Variants in KIAA1217 observed in about 807,000 individuals in gnomAD.
The protein encoded by KIAA1217 is sickle tail protein homolog.
A neutral mutation model predicts 163.9 loss-of-function variants in KIAA1217; 88 were observed. The observed-to-expected ratio is 0.54, with a 90% CI of 0.45 to 0.64. The LOEUF is 0.64. Ranked by LOEUF, KIAA1217 falls within the 30% of genes least tolerant of loss-of-function variation. KIAA1217 has a pLI of 0.00. For synonymous variants in KIAA1217, 903 were observed against 923.1 expected (o/e 0.98, Z 0.39); for missense variants, 2,372 against 2,475.0 (o/e 0.96, Z 0.88).
At position 23,797,279 on chromosome 10, in the gene KIAA1217, C is replaced by T. The variant is rs138663355; in HGVS notation, c.-321+102045C>T. 1.2e-3 allele frequency among the ~76,000 whole-genome samples: 176 copies of T among 152,156 alleles called. 13 individuals are homozygous for T. In the East Asian group the frequency reaches 0.027, roughly 24 times the overall value. ...ATGTGCTTATTGAACACTCATGACT[C>T]GTGACACTGGGGTCAGCAGTAGTTT... On this transcript the variant is annotated intron_variant, in intron 1 of 18. Transcript: ENST00000376462.
intron 2 of KIAA1217, among the ~76,000 whole-genome samples, chr10:24,272,272 T>G (rs2076846101): frequency 1.3e-5 from 2 of 152,218 alleles, no homozygotes; most frequent in South Asian, 4.1e-4. Flanking sequence ...TAATAAGAAC[T>G]CTGGACTAGT....
intron 1 of KIAA1217, among the ~76,000 whole-genome samples, chr10:23,841,091 T>G (rs1177134437): frequency 6.6e-6 from 1 of 152,188 alleles, no homozygotes; most frequent in African/African-American, 2.4e-5. Context: ...AAGCACATAG[T>G]TGTAGAATTT....
chr10:24,065,917 G>A (rs2060924459), intron 2 of KIAA1217, among the ~76,000 whole-genome samples: 1 of 152,038 alleles, frequency 6.6e-6, no homozygotes, highest in Admixed American at 6.6e-5. Context: ...TGTCTCTTTT[G>A]ATCTTTGTTA....
intron 2 of KIAA1217, among the ~76,000 whole-genome samples, chr10:24,334,185 CTCTT>C (rs2046040446): frequency 6.6e-6 from 1 of 152,128 alleles, no homozygotes; most frequent in Non-Finnish European, 1.5e-5. Context: ...GCCCTTTTGT[CTCTT>C]TCAACTATGC....
chr10:24,411,430 T>G (rs1300550468), intron 3 of KIAA1217, among the ~76,000 whole-genome samples: 1 of 152,234 alleles, frequency 6.6e-6, no homozygotes. Flanking sequence ...AGCTTTACAT[T>G]TATTGGTTTA....
Position 23,713,826 on chromosome 10 carries a change from T to C in KIAA1217, c.-321+18592T>C, listed in dbSNP as rs79369746. On this transcript the variant is annotated intron_variant, in intron 1 of 18. Coordinates refer to the KIAA1217 transcript ENST00000376462. Reference sequence around the variant, plus strand: ...TATGCCCCAGCAAAATAATGCCTCATGATCACCTATTTCCACCTCTAGACA... The same window carrying C: ...TATGCCCCAGCAAAATAATGCCTCACGATCACCTATTTCCACCTCTAGACA... Among the ~76,000 whole-genome samples, 179 of 152,280 alleles carry C rather than the reference T, an allele frequency of 1.2e-3. 13 individuals carry two copies. In the East Asian group the frequency reaches 0.028, roughly 24 times the overall value.
At chr10:23,885,866 T>C (rs545383180) in intron 1 of KIAA1217, among the ~76,000 whole-genome samples, 1 of 151,926 alleles carries the variant, frequency 6.6e-6, no homozygotes, top group Admixed American at 6.6e-5. Context: ...AGATAACCCA[T>C]GAACACAATC....
chr10:24,189,111 AAAAAAAAAG>A (rs2066589540), intron 2 of KIAA1217, among the ~76,000 whole-genome samples: 1 of 148,530 alleles, frequency 6.7e-6, no homozygotes, highest in South Asian at 2.2e-4. Context: ...GTCTCAAAAA[AAAAAAAAAG>A]AAAAGAAAAA....
chr10:23,930,264 A>G (rs1843204277), intron 1 of KIAA1217, among the ~76,000 whole-genome samples: 1 of 151,800 alleles, frequency 6.6e-6, no homozygotes, highest in Non-Finnish European at 1.5e-5. Flanking sequence ...TGATTTATTT[A>G]TGTTTCTGAA....
chr10:23,903,938 C>T (rs117625906), intron 1 of KIAA1217, among the ~76,000 whole-genome samples: 2,595 of 152,222 alleles, frequency 0.017, 43 homozygotes, highest in Admixed American at 0.048. Context: ...CGAATTTTCT[C>T]AAAGTTTGGA....
At chr10:23,877,747 A>C (rs909120384) in intron 1 of KIAA1217, among the ~76,000 whole-genome samples, 2 of 152,024 alleles carry the variant, frequency 1.3e-5, no homozygotes, top group Non-Finnish European at 2.9e-5. Context: ...TTGACACTTG[A>C]ATATAAAATA....
intron 2 of KIAA1217, among the ~76,000 whole-genome samples, chr10:24,018,311 G>T (rs1466120795): frequency 6.6e-6 from 1 of 152,002 alleles, no homozygotes; most frequent in East Asian, 1.9e-4. Flanking sequence ...GGAGTTAAAA[G>T]CATATAGCAA....
At chr10:24,485,169 T>C in intron 6 of KIAA1217, among the ~76,000 whole-genome samples, 1 of 151,728 alleles carries the variant, frequency 6.6e-6, no homozygotes, top group African/African-American at 2.4e-5. Flanking sequence ...TGTAAATCCC[T>C]TCCAACCAGA....
At chr10:24,307,485 T>G (rs2042129985) in intron 2 of KIAA1217, among the ~76,000 whole-genome samples, 1 of 152,062 alleles carries the variant, frequency 6.6e-6, no homozygotes, top group Non-Finnish European at 1.5e-5. Flanking sequence ...CCATCAAGAC[T>G]TAATGATTGG....
intron 12 of KIAA1217, among the ~76,000 whole-genome samples, chr10:24,522,306 A>G (rs928331515): frequency 3.3e-5 from 5 of 152,202 alleles, no homozygotes; most frequent in Non-Finnish European, 5.9e-5. Flanking sequence ...CCTGGGCAAC[A>G]GAGAAAGACT....
At chr10:24,421,153 A>G (rs1056300409) in intron 3 of KIAA1217, among the ~76,000 whole-genome samples, 24 of 152,034 alleles carry the variant, frequency 1.6e-4, no homozygotes, top group Non-Finnish European at 3.1e-4. Flanking sequence ...CTACAGGCCT[A>G]TGCCACCACA....
At position 24,545,152 on chromosome 10, in the gene KIAA1217, C is replaced by T. The variant is rs1416418873; in HGVS notation, c.5334+49C>T. 6 of 1,609,712 alleles carry T rather than the reference C, an allele frequency of 3.7e-6. 1 individual carries two copies. The South Asian group carries it at 6.6e-5, about 18-fold the overall frequency. On this transcript the variant is annotated intron_variant, in intron 20 of 20. Coordinates refer to ENST00000376454, the MANE Select transcript of KIAA1217 (RefSeq NM_019590.5). ...TTGGATGGACGCTATTTCAGTTAAG[C>T]AAGTCACTGACTTAGTTTATACCAA...
At chr10:23,704,597 T>G (rs1047631193) in intron 1 of KIAA1217, among the ~76,000 whole-genome samples, 2 of 152,176 alleles carry the variant, frequency 1.3e-5, no homozygotes, top group African/African-American at 4.8e-5. Flanking sequence ...CTCTGCGTAA[T>G]GTTTTAACTG....
chr10:24,108,996 T>A (rs980902655), intron 2 of KIAA1217, among the ~76,000 whole-genome samples: 1 of 152,106 alleles, frequency 6.6e-6, no homozygotes, highest in African/African-American at 2.4e-5. Flanking sequence ...CACACCCAGC[T>A]GTTTTTTGTA....
Sources: allele counts gnomAD v4.1 joint callset (sites outside exome capture counted in the v4.1 genomes callset), GRCh38; gene constraint gnomAD v4.1.1; transcripts MANE v1.5; gene names NCBI Gene and HGNC (gene_info 2026-07-23, HGNC 2026-07-21).